NBAS: variants seen among roughly 807,000 people sequenced by gnomAD.
The protein encoded by NBAS is NBAS subunit of NRZ tethering complex.
In NBAS, 219 loss-of-function variants were observed where a neutral mutation model predicts 302.5. The observed-to-expected ratio is 0.72, with a 90% CI of 0.65 to 0.81. The LOEUF (loss-of-function observed/expected upper bound fraction) is 0.81. Among genes scored for constraint, NBAS ranks in the 30% least tolerant of loss-of-function variants. The probability of loss-of-function intolerance (pLI) is 0.00; values close to 1 mark genes in which losing one functional copy is unlikely to be tolerated. For synonymous variants in NBAS, 1,118 were observed against 1,021.6 expected (o/e 1.09, Z -1.80); for missense variants, 2,932 against 2,841.6 (o/e 1.03, Z -0.72).
At position 15,383,293 on chromosome 2, in the gene NBAS, A is replaced by G. The variant is rs139891797; in HGVS notation, c.3282T>C (p.His1094=). The change falls in exon 29 of 52, where the codon CAT becomes CAC. Residue 1094 remains histidine (H), a synonymous_variant. Coordinates refer to ENST00000281513, the MANE Select transcript of NBAS (RefSeq NM_015909.4). ...ACATGTCTTGCAGCAACGTTCTCCA[A>G]TGAGACTCACTGACAGGAGGCTGCC... ...GRKQPPVSES[H]WRTLLQDMLT... is the part of the protein sequence containing the mutation. 3,165 of 1,614,032 alleles carry G rather than the reference A, an allele frequency of 2.0e-3. 13 individuals are homozygous for G. Among genetic ancestry groups the G allele is most frequent in the Middle Eastern group, 0.013 (76 of 6,062 alleles).
chr2:15,124,051 C>G, the NBAS span, among the ~76,000 whole-genome samples: 1 of 152,092 alleles, frequency 6.6e-6, no homozygotes, highest in African/African-American at 2.4e-5. Context: ...GAGATATGGA[C>G]GGTGAATTCC....
At chr2:14,877,712 A>G in the NBAS span, among the ~76,000 whole-genome samples, 40 of 152,260 alleles carry the variant, frequency 2.6e-4, no homozygotes, top group African/African-American at 9.1e-4. Flanking sequence ...CTAGAGCCTG[A>G]CTTGAGTGTT....
the NBAS span, among the ~76,000 whole-genome samples, chr2:15,112,667 A>G: frequency 6.6e-6 from 1 of 152,184 alleles, no homozygotes; most frequent in East Asian, 1.9e-4. Flanking sequence ...GTAAGAAAAT[A>G]ATGTTGTCAT....
intron 33 of NBAS, 110 bp from the exon 34 acceptor site, chr2:15,353,820 C>T: frequency 7.8e-7 from 1 of 1,280,016 alleles, no homozygotes; most frequent in Non-Finnish European, 1.1e-6. Flanking sequence ...AAAGCAAAAT[C>T]ATAGTCATTA....
the NBAS span, among the ~76,000 whole-genome samples, chr2:14,889,253 C>T: frequency 6.6e-6 from 1 of 152,232 alleles, no homozygotes. Context: ...TGTGCAGTCT[C>T]TGCCTGTTGC....
chr2:14,820,298 G>C, the NBAS span, among the ~76,000 whole-genome samples: 1 of 152,210 alleles, frequency 6.6e-6, no homozygotes, highest in African/African-American at 2.4e-5. Flanking sequence ...TAAAGAAAAT[G>C]TGGTACATAT....
chr2:15,552,790 C>T (rs996557888), intron 5 of NBAS, among the ~76,000 whole-genome samples: 66 of 128,760 alleles, frequency 5.1e-4, no homozygotes, highest in African/African-American at 1.8e-3. Flanking sequence ...AAAAAGCATA[C>T]CTATTTTTTT....
intron 11 of NBAS, among the ~76,000 whole-genome samples, chr2:15,494,391 T>C (rs1192968530): frequency 6.6e-6 from 1 of 152,240 alleles, no homozygotes; most frequent in Admixed American, 6.5e-5. Context: ...AATTAGAATG[T>C]ACGTAAAGTC....
In NBAS at chr2:15,537,672, C is replaced by T. The variant is rs376367499; in HGVS notation, c.514-1121G>A. 4.6e-5 allele frequency among the ~76,000 whole-genome samples: 7 copies of T among 152,210 alleles called. No homozygotes were observed. In the East Asian group the frequency reaches 7.7e-4, roughly 17 times the overall value. ...CACTATGATCATTATCATTACACCA[C>T]TGTGCTCCAGCCTGGGCAACAGCAA... On this transcript the variant is annotated intron_variant, in intron 7 of 51. Transcript: ENST00000281513.
chr2:14,942,957 T>C, the NBAS span, among the ~76,000 whole-genome samples: 1 of 152,234 alleles, frequency 6.6e-6, no homozygotes, highest in African/African-American at 2.4e-5. Context: ...TCTCTGCAGA[T>C]CTGCCTTCTT....
the NBAS span, among the ~76,000 whole-genome samples, chr2:15,008,870 A>G: frequency 6.6e-6 from 1 of 152,200 alleles, no homozygotes; most frequent in African/African-American, 2.4e-5. Context: ...CTCATTGTTT[A>G]AAAAATATAC....
rs563999764 is a variant in NBAS at position 15,465,600 on chromosome 2, T to C, written c.2097+1729A>G. On this transcript the variant is annotated intron_variant, in intron 19 of 51. Transcript: ENST00000281513. The stretch of plus-strand genomic sequence containing the variant: ...TGTCCTGTGATTAAAATGCAATGCC[T>C]ATCTCTACTACTATCTAATGGTTAG... Among the ~76,000 whole-genome samples the C allele has an allele frequency of 3.3e-5, 5 of 152,340 alleles. No individual in the cohort carries two copies. The South Asian group carries it at 8.3e-4, about 25-fold the overall frequency.
intron 44 of NBAS, among the ~76,000 whole-genome samples, chr2:15,250,997 A>G (rs1668338214): frequency 6.6e-6 from 1 of 152,194 alleles, no homozygotes; most frequent in Admixed American, 6.5e-5. Context: ...TACTATAAAG[A>G]CACATGCATA....
intron 37 of NBAS, 91 bp from the exon 38 acceptor site, chr2:15,327,961 C>A: frequency 6.5e-7 from 1 of 1,533,442 alleles, no homozygotes; most frequent in South Asian, 1.1e-5. Flanking sequence ...GTTATGTTTT[C>A]TGGTGACTTG....
chr2:15,185,685 G>A (rs536421385), intron 50 of NBAS, among the ~76,000 whole-genome samples: 7 of 152,090 alleles, frequency 4.6e-5, no homozygotes, highest in Non-Finnish European at 1.0e-4. Context: ...GTAAGGGGAG[G>A]TAATTTTTGG....
chr2:15,188,964 G>A (rs945243229), intron 49 of NBAS, among the ~76,000 whole-genome samples: 1 of 152,156 alleles, frequency 6.6e-6, no homozygotes, highest in Non-Finnish European at 1.5e-5. Flanking sequence ...TCACCCAGGA[G>A]TGTGTTCAGA....
chr2:15,155,964 G>A, the NBAS span, among the ~76,000 whole-genome samples: 1 of 152,136 alleles, frequency 6.6e-6, no homozygotes, highest in African/African-American at 2.4e-5. Flanking sequence ...TAAGTATTTC[G>A]AACAAGGAAG....
the NBAS span, among the ~76,000 whole-genome samples, chr2:14,930,381 G>A: frequency 2.0e-5 from 3 of 152,204 alleles, no homozygotes; most frequent in Non-Finnish European, 4.4e-5. Flanking sequence ...CATGGAATAG[G>A]ATGAGCAATG....
chr2:15,140,666 G>A, the NBAS span, among the ~76,000 whole-genome samples: 1 of 152,194 alleles, frequency 6.6e-6, no homozygotes. Flanking sequence ...ATCCAAAGGT[G>A]AATTCAGCAG....
Sources: gnomAD v4.1 joint callset for allele counts (sites outside exome capture counted in the v4.1 genomes callset) on GRCh38, gnomAD v4.1.1 for gene constraint, MANE v1.5 for transcripts, NCBI Gene and HGNC (gene_info 2026-07-23, HGNC 2026-07-21) for gene names.